GPC4: variants seen among roughly 807,000 people sequenced by gnomAD.
GPC4 encodes glypican-4.
GPC4 carries 10 observed loss-of-function variants against 35.0 expected under a neutral mutation model. That is an observed-to-expected ratio of 0.29 (90% CI 0.18 to 0.48). The LOEUF (loss-of-function observed/expected upper bound fraction) is 0.48. Among genes scored for constraint, GPC4 ranks in the 20% least tolerant of loss-of-function variants. The pLI is 0.99. For synonymous variants in GPC4, 167 were observed against 170.2 expected (o/e 0.98, Z 0.15); for missense variants, 322 against 451.3 (o/e 0.71, Z 2.60).
intron 2 of GPC4, among the ~76,000 whole-genome samples, chrX:133,326,084 T>TTGCCTTTTA (rs1409972033): frequency 4.6e-5 from 5 of 109,685 alleles, no homozygotes; most frequent in Admixed American, 2.0e-4. Flanking sequence ...CTTCTATTGC[T>TTGCCTTTTA]TGCCTTTTAT....
chrX:133,314,898 C>G (rs1052336068), intron 3 of GPC4, among the ~76,000 whole-genome samples: 3 of 111,049 alleles, frequency 2.7e-5, no homozygotes, highest in Non-Finnish European at 5.7e-5. Flanking sequence ...GCCTTTGGTC[C>G]CCACCCTTGT....
In GPC4 at chrX:133,302,021, T is replaced by C. The variant is rs1404170156; in HGVS notation, c.*846A>G. On this transcript the variant is annotated 3_prime_UTR_variant, in exon 9 of 9. Coordinates refer to ENST00000370828, the MANE Select transcript of GPC4 (RefSeq NM_001448.3). ...ACACCCCTAAACCCAAGTGTGAACA[T>C]GTGATAACTGGGACATCCTGAATGC... 8.9e-6 allele frequency: 1 copy of C among 112,114 alleles called. No homozygotes were observed. The highest frequency in any genetic ancestry group is 1.9e-5 in the Non-Finnish European group (1 of 53,250). 9.2% of individuals were successfully genotyped at this position (112,114 alleles called of 1,213,427 possible).
Position 133,415,078 on chromosome X carries a change from G to A in GPC4, c.-113C>T. ...GGACTAGCGAGTGGAGCTGGAGGGA[G>A]AAGGAGTTGGAGTTGGTGGAAGAGG... On this transcript the variant is annotated 5_prime_UTR_variant, in exon 1 of 9. Transcript: ENST00000370828. The A allele has an allele frequency of 1.3e-6, 1 of 766,570 alleles. No individual in the cohort carries two copies. The highest frequency in any genetic ancestry group is 1.9e-6 in the Non-Finnish European group (1 of 537,247). 63.2% of individuals were successfully genotyped at this position (766,570 alleles called of 1,213,427 possible).
rs1418971025 is a variant in GPC4 at position 133,311,325 on chromosome X, G to A, written c.810C>T (p.Cys270=). The A allele has an allele frequency of 4.1e-6, 5 of 1,209,877 alleles. No individual in the cohort carries two copies. The Admixed American group carries it at 6.5e-5, about 16-fold the overall frequency. The change falls in exon 4 of 9, where the codon TGC becomes TGT. Residue 270 remains cysteine (C), a synonymous_variant. Transcript: ENST00000370828. ...CCAAACAGCCTCTCATGATGTTTGA[G>A]CAGTAGTTGTAACATGGCTTCACAG... The part of the protein sequence containing the change: ...LVTVKPCYNY[C]SNIMRGCLAN...
chrX:133,415,325 T>C lies in GPC4; in HGVS notation c.-360A>G, dbSNP rs1023020011. ...GGGGACGCGGGGAAGGAGGGAAGGGTGGCAGGCGCCGCGGGGACCGCAGAG... is the reference window on the plus strand; with the variant it reads ...GGGGACGCGGGGAAGGAGGGAAGGGCGGCAGGCGCCGCGGGGACCGCAGAG... On this transcript the variant is annotated 5_prime_UTR_variant, in exon 1 of 9. Transcript: ENST00000370828. 2 of 195,449 alleles carry C rather than the reference T, an allele frequency of 1.0e-5. No individual in the cohort carries two copies. Among genetic ancestry groups the C allele is most frequent in the African/African-American group, 6.2e-5 (2 of 32,033 alleles). The allele number at this position is 195,449 out of a possible 1,213,427, so 16.1% of individuals were successfully genotyped here.
chrX:133,337,814 C>T (rs1026477446), intron 2 of GPC4, among the ~76,000 whole-genome samples: 16 of 110,483 alleles, frequency 1.4e-4, no homozygotes, highest in African/African-American at 5.3e-4. Flanking sequence ...CAATAACACC[C>T]ATTTTCACAT....
intron 1 of GPC4, among the ~76,000 whole-genome samples, chrX:133,368,288 G>A (rs1443878240): frequency 8.9e-6 from 1 of 111,816 alleles, no homozygotes. Context: ...GGCAGCATAT[G>A]AAGTTTTACT....
At chrX:133,395,072 A>G (rs1020472336) in intron 1 of GPC4, among the ~76,000 whole-genome samples, 2 of 111,414 alleles carry the variant, frequency 1.8e-5, no homozygotes, top group African/African-American at 6.5e-5. Context: ...GCAAGCCCAC[A>G]GTTCATTCAC....
At chrX:133,316,556 A>G (rs2068339245) in intron 3 of GPC4, among the ~76,000 whole-genome samples, 1 of 111,981 alleles carries the variant, frequency 8.9e-6, no homozygotes, top group African/African-American at 3.2e-5. Flanking sequence ...GACAATTTTC[A>G]GTTTTCAATG....
intron 1 of GPC4, among the ~76,000 whole-genome samples, chrX:133,386,635 C>T (rs1033572489): frequency 3.6e-5 from 4 of 111,344 alleles, no homozygotes; most frequent in Non-Finnish European, 7.5e-5. Context: ...TGCCCCCTGG[C>T]CTCCCTTGTT....
intron 1 of GPC4, among the ~76,000 whole-genome samples, chrX:133,393,344 T>C (rs2068728411): frequency 9.0e-6 from 1 of 111,517 alleles, no homozygotes. Context: ...AAGCAACTAA[T>C]TTGTAGTTCA....
chrX:133,331,404 T>G (rs1173461727), intron 2 of GPC4, among the ~76,000 whole-genome samples: 1 of 111,690 alleles, frequency 9.0e-6, no homozygotes, highest in Non-Finnish European at 1.9e-5. Flanking sequence ...TCTATGTGGA[T>G]CAGTCAGAGA....
intron 1 of GPC4, among the ~76,000 whole-genome samples, chrX:133,371,709 T>C (rs1297538217): frequency 8.9e-6 from 1 of 112,153 alleles, no homozygotes; most frequent in East Asian, 2.8e-4. Context: ...AATTCGTTAA[T>C]ATAAATATAA....
intron 1 of GPC4, among the ~76,000 whole-genome samples, chrX:133,356,990 T>C (rs1381250439): frequency 9.0e-6 from 1 of 111,570 alleles, no homozygotes; most frequent in Non-Finnish European, 1.9e-5. Flanking sequence ...CTCTCTGTTC[T>C]GAGTCTCTGA....
rs1218035980 is a variant in GPC4 at position 133,415,393 on chromosome X, G to C, written c.-428C>G. 4 of 138,379 alleles carry C rather than the reference G, an allele frequency of 2.9e-5. No homozygotes were observed. Among genetic ancestry groups the C allele is most frequent in the Non-Finnish European group, 5.6e-5 (4 of 72,061 alleles). The allele number at this position is 138,379 out of a possible 1,213,427, so 11.4% of individuals were successfully genotyped here. The stretch of plus-strand genomic sequence containing the variant: ...GCGTTCGCTGCGCGCTGCTTGGGCT[G>C]CCCTGCGCTGGTCCGCTCGTCCGGC... On this transcript the variant is annotated 5_prime_UTR_variant, in exon 1 of 9. Coordinates refer to ENST00000370828, the MANE Select transcript of GPC4 (RefSeq NM_001448.3).
chrX:133,406,891 A>C (rs2068790496), intron 1 of GPC4, among the ~76,000 whole-genome samples: 1 of 110,634 alleles, frequency 9.0e-6, no homozygotes, highest in Non-Finnish European at 1.9e-5. Flanking sequence ...CCTGGCCAAC[A>C]TGGTGAATCC....
intron 1 of GPC4, among the ~76,000 whole-genome samples, chrX:133,366,517 G>C (rs1262069215): frequency 1.8e-5 from 2 of 111,749 alleles, no homozygotes; most frequent in African/African-American, 6.5e-5. Flanking sequence ...CAGTAAGCCA[G>C]TGCACTTAAG....
intron 1 of GPC4, among the ~76,000 whole-genome samples, chrX:133,357,374 ACTCT>A (rs1448160699): frequency 1.1e-5 from 1 of 92,645 alleles, no homozygotes; most frequent in African/African-American, 4.1e-5. Context: ...ACAGAGGAAG[ACTCT>A]CTCAAAAAAA....
At chrX:133,381,503 G>A (rs761151664) in intron 1 of GPC4, among the ~76,000 whole-genome samples, 1 of 111,758 alleles carries the variant, frequency 8.9e-6, no homozygotes, top group African/African-American at 3.3e-5. Context: ...TATCTCCACA[G>A]TTAGTGCTAC....
Sources: allele counts gnomAD v4.1 joint callset (sites outside exome capture counted in the v4.1 genomes callset), GRCh38; gene constraint gnomAD v4.1.1; transcripts MANE v1.5; gene names NCBI Gene and HGNC (gene_info 2026-07-23, HGNC 2026-07-21).